The following TENM4 variants were observed in gnomAD, a reference collection of about 807,000 sequenced individuals.
TENM4 encodes teneurin-4.
In TENM4, 82 loss-of-function variants were observed where a neutral mutation model predicts 243.3. That is an observed-to-expected ratio of 0.34 (90% CI 0.28 to 0.40). The LOEUF (loss-of-function observed/expected upper bound fraction) is 0.40. Among genes scored for constraint, TENM4 ranks in the 10% least tolerant of loss-of-function variants. TENM4 has a pLI of 1.00. For missense variants in TENM4, 3,138 were observed against 3,673.3 expected, an observed-to-expected ratio of 0.85 and a Z score of 3.77; for synonymous variants, 1,412 against 1,456.3, an observed-to-expected ratio of 0.97 and a Z score of 0.69.
chr11:79,164,178 T>G (rs1439264343), intron 3 of TENM4, among the ~76,000 whole-genome samples: 4 of 125,062 alleles, frequency 3.2e-5, no homozygotes, highest in African/African-American at 1.3e-4. Flanking sequence ...TATGGCATAC[T>G]ATAGTGTATA....
chr11:78,934,096 C>A (rs906544718), intron 6 of TENM4, among the ~76,000 whole-genome samples: 16 of 152,060 alleles, frequency 1.1e-4, no homozygotes, highest in Admixed American at 7.2e-4. Flanking sequence ...GCATGGTCAT[C>A]CAGTTGACAA....
intron 2 of TENM4, among the ~76,000 whole-genome samples, chr11:79,259,317 C>T (rs1855752293): frequency 6.6e-6 from 1 of 152,146 alleles, no homozygotes; most frequent in Non-Finnish European, 1.5e-5. Flanking sequence ...CTGTTTCCTC[C>T]ACCTATCCAT....
Position 78,960,593 on chromosome 11 carries a change from T to C in TENM4, c.494-57070A>G, listed in dbSNP as rs140932037. On this transcript the variant is annotated intron_variant, in intron 6 of 33. Transcript: ENST00000278550. ...GTCCCCACCTCAAGTTCTTTGTCCATGTGTTCCCTCTGCCCAGAACACCCT... is the reference window on the plus strand; with the variant it reads ...GTCCCCACCTCAAGTTCTTTGTCCACGTGTTCCCTCTGCCCAGAACACCCT... Among the ~76,000 whole-genome samples the C allele has an allele frequency of 3.7e-3, 566 of 152,282 alleles. 4 individuals carry two copies. Among genetic ancestry groups the C allele is most frequent in the African/African-American group, 0.013 (537 of 41,550 alleles).
At chr11:78,935,944 G>C (rs1025165591) in intron 6 of TENM4, among the ~76,000 whole-genome samples, 2 of 152,140 alleles carry the variant, frequency 1.3e-5, no homozygotes, top group Non-Finnish European at 2.9e-5. Flanking sequence ...GAAATAATAG[G>C]GTTGTACAGT....
At chr11:79,125,971 A>G (rs1402815645) in intron 4 of TENM4, among the ~76,000 whole-genome samples, 2 of 152,192 alleles carry the variant, frequency 1.3e-5, no homozygotes, top group Non-Finnish European at 2.9e-5. Flanking sequence ...AGGCATGGGA[A>G]CGGATATTAA....
intron 3 of TENM4, among the ~76,000 whole-genome samples, chr11:79,163,921 TC>T (rs1862822168): frequency 7.0e-6 from 1 of 142,426 alleles, no homozygotes; most frequent in Non-Finnish European, 1.5e-5. Flanking sequence ...TAGGTATATA[TC>T]CATATATATC....
At chr11:79,280,281 A>T (rs1856133832) in intron 2 of TENM4, among the ~76,000 whole-genome samples, 1 of 152,098 alleles carries the variant, frequency 6.6e-6, no homozygotes, top group Admixed American at 6.5e-5. Context: ...GCCTCCAAAG[A>T]GCTCCAAAAG....
chr11:78,994,167 C>G (rs1462370310), intron 6 of TENM4, among the ~76,000 whole-genome samples: 1 of 152,170 alleles, frequency 6.6e-6, no homozygotes, highest in African/African-American at 2.4e-5. Context: ...TCAACAAGGT[C>G]CTTCCCTTCT....
chr11:79,094,756 T>C (rs1301194862), intron 4 of TENM4, among the ~76,000 whole-genome samples: 1 of 152,146 alleles, frequency 6.6e-6, no homozygotes, highest in Non-Finnish European at 1.5e-5. Flanking sequence ...CAGTCACCCC[T>C]GGAGACTCCA....
At chr11:79,110,106 G>A (rs1427200744) in intron 4 of TENM4, among the ~76,000 whole-genome samples, 3 of 151,868 alleles carry the variant, frequency 2.0e-5, no homozygotes, top group South Asian at 4.2e-4. Context: ...CACCCTTTTC[G>A]TAGAAACAAT....
intron 2 of TENM4, among the ~76,000 whole-genome samples, chr11:79,295,327 G>A (rs1856431147): frequency 6.6e-6 from 1 of 152,132 alleles, no homozygotes; most frequent in Admixed American, 6.5e-5. Context: ...AGCAAAACCT[G>A]CCTTTCAACA....
At chr11:79,334,550 T>C (rs1459184903) in intron 1 of TENM4, among the ~76,000 whole-genome samples, 1 of 152,186 alleles carries the variant, frequency 6.6e-6, no homozygotes, top group East Asian at 1.9e-4. Context: ...TCTCACTTCA[T>C]GCTGCTAGAG....
At chr11:79,207,156 C>T (rs1407628448) in intron 3 of TENM4, among the ~76,000 whole-genome samples, 4 of 152,146 alleles carry the variant, frequency 2.6e-5, no homozygotes. Flanking sequence ...GCAAGTTCAC[C>T]TCCAGGGGGA....
chr11:79,004,325 C>A (rs570088620), intron 6 of TENM4, among the ~76,000 whole-genome samples: 1 of 152,278 alleles, frequency 6.6e-6, no homozygotes, highest in East Asian at 1.9e-4. Flanking sequence ...CCACCCCAAA[C>A]CAACAGAATA....
intron 1 of TENM4, among the ~76,000 whole-genome samples, chr11:79,337,915 A>G (rs1002947651): frequency 2.6e-5 from 4 of 152,208 alleles, no homozygotes; most frequent in African/African-American, 9.7e-5. Context: ...ACTTGCTGGC[A>G]TCTCACAGCC....
chr11:79,240,958 T>A (rs923050941), intron 2 of TENM4, among the ~76,000 whole-genome samples: 5 of 152,168 alleles, frequency 3.3e-5, no homozygotes, highest in African/African-American at 1.2e-4. Context: ...TTATTTCTTT[T>A]TTCATATATT....
chr11:78,954,489 G>A (rs1252448344), intron 6 of TENM4, among the ~76,000 whole-genome samples: 1 of 152,194 alleles, frequency 6.6e-6, no homozygotes, highest in African/African-American at 2.4e-5. Context: ...ATGTCAAAGA[G>A]GAAGTCTAAG....
rs191834409 is a variant in TENM4 at position 78,910,094 on chromosome 11, T to C, written c.494-6571A>G. On this transcript the variant is annotated intron_variant, in intron 6 of 33. Coordinates refer to ENST00000278550, the MANE Select transcript of TENM4 (RefSeq NM_001098816.3). ...GAAAAAGCCATAAACTTCCAGAGCT[T>C]TGGCTCAGGCAAGGAACTCAATCAT... Among the ~76,000 whole-genome samples the C allele has an allele frequency of 2.0e-5, 3 of 152,278 alleles. No homozygotes were observed. In the East Asian group the frequency reaches 5.8e-4, roughly 29 times the overall value.
chr11:78,964,551 AC>A lies in TENM4; in HGVS notation c.494-61029del, dbSNP rs377595158. ...TACCTAAAAATTCAGGCTATGATTCACCGTACAATCTTTTAAGCCAGCATTC... is the reference window on the plus strand; with the variant it reads ...TACCTAAAAATTCAGGCTATGATTCACGTACAATCTTTTAAGCCAGCATTC... On this transcript the variant is annotated intron_variant, in intron 6 of 33. Transcript: ENST00000278550. Among the ~76,000 whole-genome samples the A allele has an allele frequency of 2.2e-4, 33 of 152,288 alleles. No individual in the cohort carries two copies. In the East Asian group the frequency reaches 4.2e-3, roughly 20 times the overall value.
Sources: allele counts gnomAD v4.1 joint callset (sites outside exome capture counted in the v4.1 genomes callset), GRCh38; gene constraint gnomAD v4.1.1; transcripts MANE v1.5; gene names NCBI Gene and HGNC (gene_info 2026-07-23, HGNC 2026-07-21).